Variants in TOR1AIP2 observed in about 807,000 individuals in gnomAD.
TOR1AIP2 encodes the protein torsin-1A-interacting protein 2.
TOR1AIP2 carries 20 observed loss-of-function variants against 32.6 expected under a neutral mutation model. The observed-to-expected ratio is 0.61, with a 90% confidence interval of 0.43 to 0.89. TOR1AIP2 has a LOEUF of 0.89. Ranked by LOEUF, TOR1AIP2 falls within the 40% of genes least tolerant of loss-of-function variation. The pLI is 0.00. For missense variants in TOR1AIP2, 456 were observed against 553.8 expected (o/e 0.82, Z 1.77); for synonymous variants, 214 against 210.8 (o/e 1.02, Z -0.13).
intron 3 of TOR1AIP2, chr1:179,860,251 G>A: frequency 2.1e-6 from 2 of 965,448 alleles, no homozygotes; most frequent in Non-Finnish European, 2.5e-6. Context: ...GGGAGGCCCA[G>A]GTGAGAGGAT....
chr1:179,864,565 C>G (rs567260423), intron 3 of TOR1AIP2: 15 of 1,296,568 alleles, frequency 1.2e-5, no homozygotes, highest in Non-Finnish European at 1.5e-5. Context: ...TCTAGATGAA[C>G]AGATTAGCCT....
Position 179,852,726 on chromosome 1 carries a change from T to G in TOR1AIP2, c.-61A>C, listed in dbSNP as rs892533620. The G allele has an allele frequency of 4.3e-6, 7 of 1,611,968 alleles. No individual in the cohort carries two copies. Among genetic ancestry groups the G allele is most frequent in the Non-Finnish European group, 5.9e-6 (7 of 1,178,806 alleles). On this transcript the variant is annotated 5_prime_UTR_variant, in exon 4 of 7. Transcript: ENST00000609928. ...TTTTTTTAGTACTTGGTTTTCCTTGTGAAGATGTCTTGTTTTCTTCTTGTC... is the reference window on the plus strand; with the variant it reads ...TTTTTTTAGTACTTGGTTTTCCTTGGGAAGATGTCTTGTTTTCTTCTTGTC...
At chr1:179,865,298 A>G in intron 3 of TOR1AIP2, 138 bp downstream of exon 3, 1 of 1,298,308 alleles carries the variant, frequency 7.7e-7, no homozygotes, top group Non-Finnish European at 1.1e-6. Context: ...TTCAACCAAT[A>G]TTATTTGGAG....
At chr1:179,859,550 T>C (rs1433021005) in intron 3 of TOR1AIP2, 2 of 985,300 alleles carry the variant, frequency 2.0e-6, no homozygotes, top group Non-Finnish European at 2.4e-6. Flanking sequence ...CTTCAACTTT[T>C]CTCTATTTCT....
intron 3 of TOR1AIP2, among the ~76,000 whole-genome samples, chr1:179,856,015 CAA>C (rs113000568): frequency 6.8e-6 from 1 of 146,766 alleles, no homozygotes; most frequent in Admixed American, 6.8e-5. Flanking sequence ...CTCATCTCTA[CAA>C]AAAAAAAATA....
intron 2 of TOR1AIP2, among the ~76,000 whole-genome samples, chr1:179,870,293 G>A (rs944379125): frequency 2.0e-5 from 3 of 152,148 alleles, no homozygotes; most frequent in African/African-American, 7.2e-5. Flanking sequence ...CAGCTACTCA[G>A]GAGGCTGAGG....
chr1:179,862,535 A>G, intron 3 of TOR1AIP2: 4 of 985,472 alleles, frequency 4.1e-6, no homozygotes, highest in Non-Finnish European at 3.6e-6. Flanking sequence ...TCTGGGGTAC[A>G]TTCTTCATAC....
At chr1:179,864,612 A>C in intron 3 of TOR1AIP2, 1 of 1,390,516 alleles carries the variant, frequency 7.2e-7, no homozygotes, top group Non-Finnish European at 9.3e-7. Flanking sequence ...ATACTAACTA[A>C]ATTCATGTGA....
chr1:179,869,771 T>C (rs1261646267), intron 2 of TOR1AIP2, among the ~76,000 whole-genome samples: 2 of 152,116 alleles, frequency 1.3e-5, no homozygotes, highest in Admixed American at 1.3e-4. Context: ...AGTTGCTATT[T>C]CACATGACGC....
chr1:179,847,987 C>T (rs893386045), intron 5 of TOR1AIP2, among the ~76,000 whole-genome samples: 2 of 147,798 alleles, frequency 1.4e-5, no homozygotes, highest in Non-Finnish European at 3.0e-5. Context: ...GAGCCGACAT[C>T]GTGCCACTGC....
intron 2 of TOR1AIP2, among the ~76,000 whole-genome samples, chr1:179,869,569 C>G (rs1696932573): frequency 6.6e-6 from 1 of 152,140 alleles, no homozygotes; most frequent in Admixed American, 6.5e-5. Flanking sequence ...TTAATCTGCT[C>G]AGAGGCAAAG....
chr1:179,849,105 C>A (rs188129310), intron 5 of TOR1AIP2, among the ~76,000 whole-genome samples: 1 of 151,706 alleles, frequency 6.6e-6, no homozygotes, highest in Non-Finnish European at 1.5e-5. Flanking sequence ...CACTGCAGTC[C>A]GGCCTGGGCA....
Position 179,846,172 on chromosome 1 carries a change from T to A in TOR1AIP2, c.1312A>T (p.Met438Leu), listed in dbSNP as rs201353530. The change falls in exon 7 of 7, where the codon ATG becomes TTG. Residue 438 changes from methionine (M) to leucine (L), a missense_variant. Transcript: ENST00000609928. ...AGCCCACTCAATTTGTCTGAGTCCA[T>A]GTGGTTGAAGGAGGTGGGAGTGTCA... Reference protein sequence around the residue: ...NSDTPTSFNHMDSDKLSGLWS... With the variant: ...NSDTPTSFNHLDSDKLSGLWS... 341 of 1,614,166 alleles carry A rather than the reference T, an allele frequency of 2.1e-4. 4 individuals carry two copies. In the East Asian group the frequency reaches 7.0e-3, roughly 33 times the overall value.
Position 179,846,239 on chromosome 1 carries a change from T to C in TOR1AIP2, c.1245A>G (p.Glu415=). Residue 415 remains glutamate, a synonymous_variant, in exon 7 of 7, where the codon GAA becomes GAG. Coordinates refer to ENST00000609928, the MANE Select transcript of TOR1AIP2 (RefSeq NM_001199260.2). The part of the protein sequence containing the change: ...LEASVGPRET[E]EKVRDLLWAK... ...CCCAGAGTAAGTCTCTCACTTTTTC[T>C]TCCGTTTCCCTTGGGCCTACACTTG... The C allele has an allele frequency of 6.2e-7, 1 of 1,614,198 alleles. No homozygotes were observed. Among genetic ancestry groups the C allele is most frequent in the East Asian group, 2.2e-5 (1 of 44,892 alleles).
intron 5 of TOR1AIP2, among the ~76,000 whole-genome samples, chr1:179,849,252 A>AT (rs916110639): frequency 1.4e-4 from 21 of 148,676 alleles, no homozygotes; most frequent in Middle Eastern, 3.4e-3. Flanking sequence ...CATAAACTGC[A>AT]TTTTTTTTTT....
chr1:179,849,942 G>T (rs752060158), intron 5 of TOR1AIP2, among the ~76,000 whole-genome samples: 35 of 152,230 alleles, frequency 2.3e-4, no homozygotes, highest in Non-Finnish European at 4.4e-4. Flanking sequence ...ATATATTTGA[G>T]ATTAGTCATT....
In TOR1AIP2 at chr1:179,847,634, C is replaced by A. The variant is rs1695960964; in HGVS notation, c.556G>T (p.Ala186Ser). Residue 186 changes from alanine (A) to serine (S), a missense_variant and splice_region_variant, in exon 6 of 7, where the codon GCT (alanine) becomes TCT (serine). Coordinates refer to ENST00000609928, the MANE Select transcript of TOR1AIP2 (RefSeq NM_001199260.2). ...TLRRRLLAPEAGSHPQQTQKL... is the reference protein window; with the variant it reads ...TLRRRLLAPESGSHPQQTQKL... ...TGTGTTTGTTGTGGATGACTTCCAG[C>A]CTCTGGAGAGGAAAAGAATCAATAT... 1 of 1,600,662 alleles carries A rather than the reference C, an allele frequency of 6.2e-7. No individual in the cohort carries two copies. Among genetic ancestry groups the A allele is most frequent in the South Asian group, 1.1e-5 (1 of 90,786 alleles).
chr1:179,874,911 C>G (rs986114710), intron 2 of TOR1AIP2: 7 of 152,298 alleles, frequency 4.6e-5, no homozygotes, highest in Non-Finnish European at 8.8e-5. Flanking sequence ...TAGCACTATC[C>G]TCTAAGGTCA....
At chr1:179,862,578 G>C in intron 3 of TOR1AIP2, 3 of 985,416 alleles carry the variant, frequency 3.0e-6, no homozygotes, top group Non-Finnish European at 3.6e-6. Flanking sequence ...TTCACAACAT[G>C]TAGCAAGTAT....
Sources: allele counts gnomAD v4.1 joint callset (sites outside exome capture counted in the v4.1 genomes callset), GRCh38; gene constraint gnomAD v4.1.1; transcripts MANE v1.5; gene names NCBI Gene and HGNC (gene_info 2026-07-23, HGNC 2026-07-21).